The following IRS1 variants were observed in gnomAD, a reference collection of about 807,000 sequenced individuals.
The protein encoded by IRS1 is insulin receptor substrate 1.
IRS1 carries 34 observed loss-of-function variants against 65.6 expected under a neutral mutation model. The ratio of observed to expected loss-of-function variants is 0.52; its 90% CI spans 0.39 to 0.69. The LOEUF is 0.69. Among genes scored for constraint, IRS1 ranks in the 30% least tolerant of loss-of-function variants. The pLI is 0.00. For missense variants in IRS1, 1,641 were observed against 1,720.2 expected (o/e 0.95, Z 0.81); for synonymous variants, 699 against 683.5 (o/e 1.02, Z -0.35).
rs1328195132 is a variant in IRS1, at chr2:226,798,205, G to T, written c.534C>A (p.Asn178Lys). 5.0e-6 allele frequency: 8 copies of T among 1,613,930 alleles called. No homozygotes were observed. Among genetic ancestry groups the T allele is most frequent in the Non-Finnish European group, 6.8e-6 (8 of 1,180,026 alleles). Reference protein sequence around the residue: ...LKPKGLGQTKNLIGIYRLCLT... With the variant: ...LKPKGLGQTKKLIGIYRLCLT... ...GGCAAAGGCGGTAGATACCAATCAG[G>T]TTCTTTGTCTGACCCAGGCCCTTGG... Residue 178 changes from asparagine to lysine, a missense_variant, in exon 1 of 2, where the codon AAC becomes AAA. Around this residue, in one of 3 missense-constraint regions of IRS1, gnomAD observed 77 missense variants for 129.6 expected, o/e 0.59. Coordinates refer to ENST00000305123, the MANE Select transcript of IRS1 (RefSeq NM_005544.3). The surrounding 1 kb of genome is among the most constrained non-coding windows in gnomAD (Gnocchi z 9.4).
chr2:226,770,410 C>G (rs1281800965), intron 1 of IRS1, among the ~76,000 whole-genome samples: 1 of 152,236 alleles, frequency 6.6e-6, no homozygotes, highest in African/African-American at 2.4e-5. Context: ...AGAGTACTTA[C>G]CACTATCTGA....
At position 226,796,760 on chromosome 2, in the gene IRS1, T is replaced by C. The variant is rs752311272; in HGVS notation, c.1979A>G (p.Asn660Ser). The C allele has an allele frequency of 1.2e-6, 2 of 1,603,266 alleles. No individual in the cohort carries two copies. Among genetic ancestry groups the C allele is most frequent in the South Asian group, 2.2e-5 (2 of 89,102 alleles). Residue 660 changes from asparagine to serine, a missense_variant, in exon 1 of 2, where the codon AAT (asparagine) becomes AGT (serine). This residue lies in a region of IRS1 where 1,324 missense variants were observed against 1,361.0 expected (regional missense o/e 0.97). Coordinates refer to ENST00000305123, the MANE Select transcript of IRS1 (RefSeq NM_005544.3). The part of the protein sequence containing the change: ...IRRHPQRVDP[N>S]GYMMMSPSGG... Reference sequence around the variant, plus strand: ...GCTGGGGGACATCATCATGTAGCCATTGGGGTCCACTCTCTGGGGATGGCG... The same window carrying C: ...GCTGGGGGACATCATCATGTAGCCACTGGGGTCCACTCTCTGGGGATGGCG...
chr2:226,744,883 CA>C (rs1348959412), intron 1 of IRS1, among the ~76,000 whole-genome samples: 7 of 151,794 alleles, frequency 4.6e-5, no homozygotes, highest in African/African-American at 1.7e-4. Flanking sequence ...AGGAGAATAT[CA>C]GGGGGAAAAC....
intron 1 of IRS1, among the ~76,000 whole-genome samples, chr2:226,751,050 C>T (rs1022107190): frequency 6.6e-6 from 1 of 152,106 alleles, no homozygotes; most frequent in African/African-American, 2.4e-5. Context: ...GGCTACACCA[C>T]AAGCCATGTC....
Position 226,731,990 on chromosome 2 carries a change from C to A in IRS1, c.*4282G>T, listed in dbSNP as rs1047250115. ...ATGGCAGAAGTCTAAAACACCAGATCTTTTGGTGTATACGTCACAAATGGC... is the reference window on the plus strand; with the variant it reads ...ATGGCAGAAGTCTAAAACACCAGATATTTTGGTGTATACGTCACAAATGGC... On this transcript the variant is annotated 3_prime_UTR_variant, in exon 2 of 2. Transcript: ENST00000305123. 6.6e-6 allele frequency: 1 copy of A among 152,194 alleles called. No homozygotes were observed. The highest frequency in any genetic ancestry group is 1.5e-5 in the Non-Finnish European group (1 of 68,044). The allele number at this position is 152,194 out of a possible 1,614,324, so 9.4% of individuals were successfully genotyped here.
chr2:226,796,538 T>A lies in IRS1; in HGVS notation c.2201A>T (p.Asn734Ile), dbSNP rs1220289681. ...GTTGGAGTCCCCCACTGGTGACATG[T>A]TCATGTAGTCACCTGTGCAAGGTAA... ...KLLPCTGDYM[N>I]MSPVGDSNTS... is the part of the protein sequence containing the mutation. The change falls in exon 1 of 2, where the codon AAC (asparagine) becomes ATC (isoleucine). Residue 734 changes from asparagine (N) to isoleucine (I), a missense_variant. Asn to Ile is a moderately radical substitution (Grantham distance 149, BLOSUM62 -3). Coordinates refer to ENST00000305123, the MANE Select transcript of IRS1 (RefSeq NM_005544.3). The A allele has an allele frequency of 6.2e-7, 1 of 1,614,070 alleles. No homozygotes were observed. Among genetic ancestry groups the A allele is most frequent in the Non-Finnish European group, 8.5e-7 (1 of 1,180,022 alleles).
In IRS1 at chr2:226,761,840, G is replaced by A. The variant is rs936009291; in HGVS notation, c.*22-25590C>T. ...AATGCAGTTTGGAAATCATGACAAA[G>A]CCATAAGTACAGACATGGATAACAG... On this transcript the variant is annotated intron_variant, in intron 1 of 1. Coordinates refer to ENST00000305123, the MANE Select transcript of IRS1 (RefSeq NM_005544.3). Among the ~76,000 whole-genome samples the A allele has an allele frequency of 1.2e-4, 19 of 152,306 alleles. 1 individual carries two copies. The highest frequency in any genetic ancestry group is 2.1e-4 in the South Asian group (1 of 4,822).
intron 1 of IRS1, among the ~76,000 whole-genome samples, chr2:226,743,726 C>G (rs892608092): frequency 3.3e-5 from 5 of 152,156 alleles, no homozygotes; most frequent in African/African-American, 1.2e-4. Context: ...ATTGTAATTT[C>G]ACATCACTTT....
At chr2:226,744,917 AT>A (rs2106159835) in intron 1 of IRS1, among the ~76,000 whole-genome samples, 1 of 152,182 alleles carries the variant, frequency 6.6e-6, no homozygotes, top group South Asian at 2.1e-4. Context: ...TTGATCTGGG[AT>A]TCTTTGAAGC....
intron 1 of IRS1, among the ~76,000 whole-genome samples, chr2:226,757,809 C>T (rs1372199449): frequency 6.6e-6 from 1 of 152,070 alleles, no homozygotes; most frequent in Admixed American, 6.5e-5. Context: ...TTGCTATTCA[C>T]AAAGCATTCT....
chr2:226,739,585 A>G (rs1938396324), intron 1 of IRS1, among the ~76,000 whole-genome samples: 1 of 152,220 alleles, frequency 6.6e-6, no homozygotes, highest in Admixed American at 6.5e-5. Flanking sequence ...CCAGCGAGGT[A>G]TTATCTAAAG....
At chr2:226,738,894 C>T (rs539568782) in intron 1 of IRS1, among the ~76,000 whole-genome samples, 92 of 152,318 alleles carry the variant, frequency 6.0e-4, no homozygotes, top group Non-Finnish European at 1.2e-3. Flanking sequence ...GTATGTTTTT[C>T]ATTTCATATC....
At chr2:226,753,317 T>G (rs561408139) in intron 1 of IRS1, among the ~76,000 whole-genome samples, 1 of 152,302 alleles carries the variant, frequency 6.6e-6, no homozygotes, top group Admixed American at 6.5e-5. Flanking sequence ...AATCACCGAC[T>G]CATTATTTAA....
intron 1 of IRS1, among the ~76,000 whole-genome samples, chr2:226,764,909 C>T (rs921573682): frequency 1.3e-5 from 2 of 152,184 alleles, no homozygotes; most frequent in Non-Finnish European, 2.9e-5. Context: ...TATTTTTAAG[C>T]GGTGGTTATA....
chr2:226,793,330 C>A (rs1939645666), intron 1 of IRS1, among the ~76,000 whole-genome samples: 1 of 152,148 alleles, frequency 6.6e-6, no homozygotes, highest in Non-Finnish European at 1.5e-5. Flanking sequence ...ACCAATGAGG[C>A]ACTTTATAAT....
intron 1 of IRS1, among the ~76,000 whole-genome samples, chr2:226,787,859 C>T (rs1939514944): frequency 6.6e-6 from 1 of 152,136 alleles, no homozygotes; most frequent in Non-Finnish European, 1.5e-5. Context: ...TAGTTGACTA[C>T]TTAGCAATTA....
At chr2:226,761,218 C>T (rs1392463935) in intron 1 of IRS1, among the ~76,000 whole-genome samples, 1 of 152,186 alleles carries the variant, frequency 6.6e-6, no homozygotes, top group Non-Finnish European at 1.5e-5. Context: ...CAATTCTTAA[C>T]TATTGGTTTT....
chr2:226,760,019 A>G (rs1938883831), intron 1 of IRS1, among the ~76,000 whole-genome samples: 1 of 152,146 alleles, frequency 6.6e-6, no homozygotes, highest in Non-Finnish European at 1.5e-5. Context: ...TATTTTTAGA[A>G]GTACAAAACA....
intron 1 of IRS1, among the ~76,000 whole-genome samples, chr2:226,777,251 T>C (rs1011676115): frequency 1.3e-5 from 2 of 152,212 alleles, no homozygotes; most frequent in Admixed American, 6.5e-5. Context: ...ATGGGGTACA[T>C]AGTAAATCTC....
Sources: gnomAD v4.1 joint callset for allele counts (sites outside exome capture counted in the v4.1 genomes callset) on GRCh38, gnomAD v4.1.1 for gene constraint, gnomAD v4.1.1 regional missense constraint, Gnocchi (gnomAD v3.1) non-coding constraint, MANE v1.5 for transcripts, NCBI Gene and HGNC (gene_info 2026-07-23, HGNC 2026-07-21) for gene names.